The following PRRC1 variants were observed in gnomAD, a reference collection of about 807,000 sequenced individuals.
PRRC1 encodes protein PRRC1.
Under a neutral mutation model 40.7 loss-of-function variants are expected in PRRC1, and 39 were observed. The ratio of observed to expected loss-of-function variants is 0.96; its 90% CI spans 0.74 to 1.25. The LOEUF (loss-of-function observed/expected upper bound fraction) is 1.25, where lower values mean the gene tolerates loss of function less well. Ranked by LOEUF, PRRC1 falls within the 50% of genes most tolerant of loss-of-function variation. The probability of loss-of-function intolerance (pLI) is 0.00; values close to 1 mark genes in which losing one functional copy is unlikely to be tolerated. For synonymous variants in PRRC1, 175 were observed against 193.3 expected (o/e 0.91, Z 0.79); for missense variants, 573 against 548.3 (o/e 1.05, Z -0.45).
Position 127,533,932 on chromosome 5 carries a change from T to G in PRRC1, c.921+146T>G, listed in dbSNP as rs547423169. ...TTGCTTTTAGTAGACAGCCCTATCG[T>G]ATTATGAAGATATAGTGGAGTTTTA... On this transcript the variant is annotated intron_variant, in intron 6 of 8. Transcript: ENST00000296666. The G allele has an allele frequency of 4.9e-5, 39 of 803,122 alleles. No homozygotes were observed. The African/African-American group carries it at 6.3e-4, about 13-fold the overall frequency. 49.7% of individuals were successfully genotyped at this position (803,122 alleles called of 1,614,324 possible).
At position 127,552,122 on chromosome 5, in the gene PRRC1, T is replaced by C; in HGVS notation, c.*206T>C. 7.2e-7 allele frequency: 1 copy of C among 1,386,296 alleles called. No individual in the cohort carries two copies. Among genetic ancestry groups the C allele is most frequent in the Non-Finnish European group, 9.3e-7 (1 of 1,071,602 alleles). 85.9% of individuals were successfully genotyped at this position (1,386,296 alleles called of 1,614,324 possible). ...CAAATCCTTTTTATAGTCATACCATTTCACCTATCATAGTACTCAAAAAAG... is the reference window on the plus strand; with the variant it reads ...CAAATCCTTTTTATAGTCATACCATCTCACCTATCATAGTACTCAAAAAAG... On this transcript the variant is annotated 3_prime_UTR_variant, in exon 9 of 9. Transcript: ENST00000296666.
rs141708541 is a variant in PRRC1, at chr5:127,553,902, C to G, written c.*1986C>G. 7 of 1,535,214 alleles carry G rather than the reference C, an allele frequency of 4.6e-6. No homozygotes were observed. The African/African-American group carries it at 6.8e-5, about 15-fold the overall frequency. On this transcript the variant is annotated 3_prime_UTR_variant, in exon 9 of 9. Coordinates refer to ENST00000296666, the MANE Select transcript of PRRC1 (RefSeq NM_130809.5). ...ACCTGGTAAGCCTCCTGCTCGGAAC[C>G]GTGTGAGTGGGTGAGGAAGATGAGA...
intron 5 of PRRC1, 61 bp downstream of exon 5, chr5:127,530,457 C>A: frequency 1.0e-6 from 1 of 1,000,712 alleles, no homozygotes. Flanking sequence ...TCCACATCAG[C>A]CACTAATTGT....
At chr5:127,545,595 A>G (rs1265436438) in intron 7 of PRRC1, among the ~76,000 whole-genome samples, 2 of 137,528 alleles carry the variant, frequency 1.5e-5, no homozygotes, top group African/African-American at 2.7e-5. Flanking sequence ...ATGAGAACAC[A>G]TGGACACAGG....
intron 6 of PRRC1, among the ~76,000 whole-genome samples, chr5:127,537,107 T>C (rs757411615): frequency 1.3e-5 from 2 of 151,896 alleles, no homozygotes; most frequent in Non-Finnish European, 3.0e-5. Flanking sequence ...ATTAACTTTA[T>C]TGAAAAGCCA....
intron 4 of PRRC1, among the ~76,000 whole-genome samples, chr5:127,529,812 G>T (rs1484270346): frequency 1.3e-5 from 2 of 152,080 alleles, no homozygotes; most frequent in Admixed American, 1.3e-4. Context: ...GCAAAATGTT[G>T]TACGTTAAGG....
At chr5:127,544,613 G>A (rs371073038) in intron 7 of PRRC1, among the ~76,000 whole-genome samples, 18 of 152,338 alleles carry the variant, frequency 1.2e-4, no homozygotes, top group East Asian at 5.8e-4. Flanking sequence ...CCTCGCTGCC[G>A]CCTTGCAGTT....
At chr5:127,527,366 C>T (rs949128985) in intron 4 of PRRC1, among the ~76,000 whole-genome samples, 1 of 151,958 alleles carries the variant, frequency 6.6e-6, no homozygotes, top group African/African-American at 2.4e-5. Context: ...AATATAAAAC[C>T]TTATATTTCA....
intron 5 of PRRC1, among the ~76,000 whole-genome samples, chr5:127,531,732 T>TA (rs1767778079): frequency 6.6e-6 from 1 of 150,638 alleles, no homozygotes; most frequent in South Asian, 2.1e-4. Flanking sequence ...AAGTTATTCT[T>TA]ATGTCTCAGT....
chr5:127,541,986 C>T lies in PRRC1; in HGVS notation c.1025+2843C>T, dbSNP rs1317082415. Among the ~76,000 whole-genome samples the T allele has an allele frequency of 3.9e-5, 6 of 152,072 alleles. No homozygotes were observed. In the East Asian group the frequency reaches 1.2e-3, roughly 29 times the overall value. ...TGATGTTAGGGTGTCAATTTTGGAT[C>T]TTTCCTACTTTCTCTTGTGGGCATT... is the stretch of plus-strand genomic sequence containing the variant. On this transcript the variant is annotated intron_variant, in intron 7 of 8. Transcript: ENST00000296666.
chr5:127,533,979 G>A (rs1370289259), intron 6 of PRRC1, 193 bp downstream of exon 6: 2 of 666,842 alleles, frequency 3.0e-6, no homozygotes, highest in Non-Finnish European at 5.3e-6. Context: ...TTTAAGATAG[G>A]TTTTGATTAT....
chr5:127,545,950 G>C (rs1196090590), intron 7 of PRRC1, among the ~76,000 whole-genome samples: 1 of 150,960 alleles, frequency 6.6e-6, no homozygotes, highest in African/African-American at 2.4e-5. Flanking sequence ...ATTATTTTTT[G>C]TGGATTCGCT....
At chr5:127,546,241 T>C (rs1318434196) in intron 7 of PRRC1, among the ~76,000 whole-genome samples, 1 of 152,220 alleles carries the variant, frequency 6.6e-6, no homozygotes, top group Non-Finnish European at 1.5e-5. Context: ...CATAGAGTTC[T>C]TACCTTTTAA....
intron 1 of PRRC1, 86 bp from the exon 2 acceptor site, chr5:127,523,372 ATT>A: frequency 7.6e-6 from 4 of 528,566 alleles, no homozygotes; most frequent in South Asian, 3.3e-5. Flanking sequence ...TCTCTTGATG[ATT>A]TTTTTTTTAG....
chr5:127,530,437 T>G (rs1002457949), intron 5 of PRRC1, 41 bp downstream of exon 5: 1 of 1,378,254 alleles, frequency 7.3e-7, no homozygotes, highest in Non-Finnish European at 1.0e-6. Context: ...ATTTTTTTTT[T>G]AAGGGTATGT....
rs142717110 is a variant in PRRC1, at chr5:127,519,799, C to T, written c.-21+2023C>T. ...GCTCCAGACCAAGTCAGTGTCTCTA[C>T]TTAGATGTTTGTTTCAAGGAACTTA... On this transcript the variant is annotated intron_variant, in intron 1 of 8. Transcript: ENST00000296666. 3.0e-4 allele frequency among the ~76,000 whole-genome samples: 46 copies of T among 152,314 alleles called. 1 individual carries two copies. In the East Asian group the frequency reaches 8.5e-3, roughly 28 times the overall value.
Position 127,552,519 on chromosome 5 carries a change from T to C in PRRC1, c.*603T>C, listed in dbSNP as rs962523927. 5.1e-6 allele frequency: 5 copies of C among 985,802 alleles called. No homozygotes were observed. The East Asian group carries it at 4.5e-4, about 89-fold the overall frequency. The allele number at this position is 985,802 out of a possible 1,614,324, so 61.1% of individuals were successfully genotyped here. ...CCTTTTTGGCCATCACGTACACATG[T>C]AATCTGGAAAATCATACCTTTGTCA... On this transcript the variant is annotated 3_prime_UTR_variant, in exon 9 of 9. Transcript: ENST00000296666.
chr5:127,533,789 GA>G lies in PRRC1; in HGVS notation c.921+4del. 1 of 1,613,918 alleles carries G rather than the reference GA, an allele frequency of 6.2e-7. No homozygotes were observed. The highest frequency in any genetic ancestry group is 1.1e-5 in the South Asian group (1 of 91,066). ...TGGGCTATGCAGCTGGATTAAAAGTGAGTAACAGAACACCATTTTCAGGACA... is the reference window on the plus strand; with the variant it reads ...TGGGCTATGCAGCTGGATTAAAAGTGGTAACAGAACACCATTTTCAGGACA... On this transcript the variant is annotated splice_donor_region_variant and intron_variant, in intron 6 of 8. Transcript: ENST00000296666.
chr5:127,523,518 G>A lies in PRRC1; in HGVS notation c.39G>A (p.Gly13=). ...GTGGAATAGAGACAACACCACCTGG[G>A]ACTCCTCCACCAAATCCTGCAGGGC... is the stretch of plus-strand genomic sequence containing the variant. ...EESGIETTPP[G]TPPPNPAGLA... is the part of the protein sequence containing the mutation. The change falls in exon 2 of 9, where the codon GGG becomes GGA. Residue 13 remains glycine (G), a synonymous_variant. Transcript: ENST00000296666. 1 of 1,612,926 alleles carries A rather than the reference G, an allele frequency of 6.2e-7. No individual in the cohort carries two copies. The highest frequency in any genetic ancestry group is 1.7e-5 in the Admixed American group (1 of 59,626).
Sources: gnomAD v4.1 joint callset for allele counts (sites outside exome capture counted in the v4.1 genomes callset) on GRCh38, gnomAD v4.1.1 for gene constraint, MANE v1.5 for transcripts, NCBI Gene and HGNC (gene_info 2026-07-23, HGNC 2026-07-21) for gene names.